SCN8A: variants seen among roughly 807,000 people sequenced by gnomAD.
SCN8A encodes the protein sodium voltage-gated channel alpha subunit 8.
A neutral mutation model predicts 184.1 loss-of-function variants in SCN8A; 30 were observed. The ratio of observed to expected loss-of-function variants is 0.16; its 90% CI spans 0.12 to 0.22. SCN8A has a LOEUF of 0.22. Among genes scored for constraint, SCN8A ranks in the 10% least tolerant of loss-of-function variants. The pLI is 1.00. For missense variants in SCN8A, 1,057 were observed against 2,498.9 expected (o/e 0.42, Z 12.30); for synonymous variants, 852 against 907.0 (o/e 0.94, Z 1.09).
intron 1 of SCN8A, among the ~76,000 whole-genome samples, chr12:51,635,186 C>T (rs1360523376): frequency 6.6e-6 from 1 of 152,158 alleles, no homozygotes; most frequent in African/African-American, 2.4e-5. Context: ...TCTTACTGTT[C>T]GTAGAACAGA....
At chr12:51,773,607 C>A (rs1272343122) in intron 19 of SCN8A, among the ~76,000 whole-genome samples, 2 of 152,170 alleles carry the variant, frequency 1.3e-5, no homozygotes, top group Non-Finnish European at 1.5e-5. Context: ...GGCAGTTCCT[C>A]AAAAAATTAA....
chr12:51,689,254 C>G, intron 6 of SCN8A, 158 bp downstream of exon 6: 1 of 638,186 alleles, frequency 1.6e-6, no homozygotes, highest in Admixed American at 2.7e-5. Context: ...CCGTTGGGTC[C>G]TCAGGCAGTT....
At chr12:51,622,810 A>T (rs952879141) in intron 1 of SCN8A, among the ~76,000 whole-genome samples, 1 of 152,154 alleles carries the variant, frequency 6.6e-6, no homozygotes, top group Non-Finnish European at 1.5e-5. Flanking sequence ...TTTACCTCCT[A>T]CAGAGGGTAT....
intron 1 of SCN8A, among the ~76,000 whole-genome samples, chr12:51,646,806 G>A (rs1198961868): frequency 2.0e-5 from 3 of 152,180 alleles, no homozygotes; most frequent in African/African-American, 7.2e-5. Context: ...GGTGATGGGG[G>A]AATGGGGAGG....
intron 13 of SCN8A, among the ~76,000 whole-genome samples, chr12:51,750,890 G>T (rs1213977514): frequency 1.3e-5 from 2 of 152,170 alleles, no homozygotes; most frequent in Admixed American, 1.3e-4. Context: ...ATTTATTGAG[G>T]ATTTACCCTG....
intron 26 of SCN8A, among the ~76,000 whole-genome samples, chr12:51,801,176 C>T (rs1938546893): frequency 6.6e-6 from 1 of 152,226 alleles, no homozygotes; most frequent in Admixed American, 6.5e-5. Context: ...TGCTGCTTTG[C>T]CTCTGCTATC....
intron 21 of SCN8A, 60 bp from the exon 22 acceptor site, chr12:51,786,482 C>A: frequency 8.2e-6 from 13 of 1,578,286 alleles, no homozygotes; most frequent in African/African-American, 1.4e-5. Flanking sequence ...TCCTGGAAAT[C>A]AAAAAATGTG....
At chr12:51,712,612 A>T in intron 11 of SCN8A, 1 of 777,670 alleles carries the variant, frequency 1.3e-6, no homozygotes, top group Non-Finnish European at 2.3e-6. Flanking sequence ...TAAAATCATT[A>T]TAGTTCCCAC....
Position 51,599,773 on chromosome 12 carries a change from A to T in SCN8A, c.-55+8414A>T, listed in dbSNP as rs550541354. Reference sequence around the variant, plus strand: ...TTGGAGTAGTGTAGTGGTTATAAGGATGGGAAGGAAGGAAAGTAAATATAA... The same window carrying T: ...TTGGAGTAGTGTAGTGGTTATAAGGTTGGGAAGGAAGGAAAGTAAATATAA... On this transcript the variant is annotated intron_variant, in intron 1 of 26. Coordinates refer to ENST00000627620, the MANE Select transcript of SCN8A (RefSeq NM_001330260.2). 1.6e-4 allele frequency among the ~76,000 whole-genome samples: 25 copies of T among 152,224 alleles called. No individual in the cohort carries two copies. The South Asian group carries it at 5.2e-3, about 32-fold the overall frequency.
At chr12:51,610,063 C>T (rs968069750) in intron 1 of SCN8A, among the ~76,000 whole-genome samples, 8 of 148,872 alleles carry the variant, frequency 5.4e-5, no homozygotes, top group South Asian at 2.1e-4. Flanking sequence ...CCAGCTACTC[C>T]GGAGGCTGAG....
At chr12:51,666,066 A>G (rs1941027298) in intron 2 of SCN8A, among the ~76,000 whole-genome samples, 1 of 152,200 alleles carries the variant, frequency 6.6e-6, no homozygotes, top group African/African-American at 2.4e-5. Context: ...TGTCTCAAAA[A>G]AGAAAAAAAG....
At chr12:51,650,062 T>C (rs1025354906) in intron 1 of SCN8A, among the ~76,000 whole-genome samples, 7 of 152,152 alleles carry the variant, frequency 4.6e-5, no homozygotes, top group Admixed American at 4.6e-4. Context: ...TCCACAGATC[T>C]CTAGGGCAAG....
intron 1 of SCN8A, among the ~76,000 whole-genome samples, chr12:51,658,130 TG>T (rs1423601830): frequency 1.3e-5 from 2 of 152,128 alleles, no homozygotes. Flanking sequence ...ATTTTAGGAT[TG>T]TTTTTTCTAT....
intron 16 of SCN8A, among the ~76,000 whole-genome samples, chr12:51,767,782 T>TTA (rs1942861137): frequency 6.6e-6 from 1 of 152,198 alleles, no homozygotes; most frequent in Non-Finnish European, 1.5e-5. Flanking sequence ...ATCCAGACCC[T>TTA]TATCAATTCA....
At chr12:51,783,991 A>T (rs552489519) in intron 21 of SCN8A, among the ~76,000 whole-genome samples, 14 of 152,360 alleles carry the variant, frequency 9.2e-5, no homozygotes, top group Admixed American at 8.5e-4. Context: ...AATAGATTTC[A>T]TGATAATTAA....
At chr12:51,791,671 T>C (rs1938254767) in intron 25 of SCN8A, among the ~76,000 whole-genome samples, 1 of 152,226 alleles carries the variant, frequency 6.6e-6, no homozygotes, top group Non-Finnish European at 1.5e-5. Context: ...CATTAAAATA[T>C]AACTTCCAGC....
At chr12:51,682,286 A>G (rs942762067) in intron 2 of SCN8A, among the ~76,000 whole-genome samples, 5 of 152,132 alleles carry the variant, frequency 3.3e-5, no homozygotes, top group African/African-American at 1.2e-4. Flanking sequence ...GTTAGTATAG[A>G]GTTTTCTTAT....
rs767071719 is a variant in SCN8A at position 51,769,232 on chromosome 12, C to T, written c.3269C>T (p.Pro1090Leu). The T allele has an allele frequency of 1.9e-6, 3 of 1,613,838 alleles. No homozygotes were observed. Among genetic ancestry groups the T allele is most frequent in the South Asian group, 1.1e-5 (1 of 91,072 alleles). ...DEDHMSFINN[P>L]NLTVRVPIAV... Reference sequence around the variant, plus strand: ...GACCACATGTCCTTCATCAACAACCCCAACTTGACTGTACGGGTACCCATT... The same window carrying T: ...GACCACATGTCCTTCATCAACAACCTCAACTTGACTGTACGGGTACCCATT... Residue 1090 changes from proline to leucine, a missense_variant, in exon 17 of 27, where the codon CCC becomes CTC. This residue lies in a region of SCN8A where 178 missense variants were observed against 259.6 expected (regional missense o/e 0.69). Coordinates refer to ENST00000627620, the MANE Select transcript of SCN8A (RefSeq NM_001330260.2).
rs185140741 is a variant in SCN8A at position 51,804,206 on chromosome 12, C to T, written c.4796-2076C>T. Among the ~76,000 whole-genome samples, 195 of 152,308 alleles carry T rather than the reference C, an allele frequency of 1.3e-3. 1 individual carries two copies. In the Middle Eastern group the frequency reaches 0.014, roughly 11 times the overall value. ...AACAAGTGGCCTGGTTGAGGTGAATCCCTGGACGAATATAACTAGAAAAAG... is the reference window on the plus strand; with the variant it reads ...AACAAGTGGCCTGGTTGAGGTGAATTCCTGGACGAATATAACTAGAAAAAG... On this transcript the variant is annotated intron_variant, in intron 26 of 26. Transcript: ENST00000627620.
Sources: allele counts gnomAD v4.1 joint callset (sites outside exome capture counted in the v4.1 genomes callset), GRCh38; gene constraint gnomAD v4.1.1; regional missense constraint gnomAD v4.1.1; transcripts MANE v1.5; gene names NCBI Gene and HGNC (gene_info 2026-07-23, HGNC 2026-07-21).